Variants in APBB1 observed in about 807,000 individuals in gnomAD.
APBB1 encodes amyloid beta precursor protein binding family B member 1, also known as adaptor protein FE65a2.
In APBB1, 22 loss-of-function variants were observed where a neutral mutation model predicts 78.4. The ratio of observed to expected loss-of-function variants is 0.28; its 90% confidence interval spans 0.20 to 0.40. The LOEUF (loss-of-function observed/expected upper bound fraction) is 0.40, where lower values mean the gene tolerates loss of function less well. APBB1 is among the 10% of genes least tolerant of loss of function. The pLI, the probability that APBB1 is intolerant of heterozygous loss-of-function variation, is 1.00. For synonymous variants in APBB1, 369 were observed against 372.7 expected, an observed-to-expected ratio of 0.99 and a Z score of 0.12; for missense variants, 749 against 932.4, an observed-to-expected ratio of 0.80 and a Z score of 2.56.
rs563498836 is a variant in APBB1, at chr11:6,412,937, C to G, written c.-14-1576G>C. 4.6e-5 allele frequency among the ~76,000 whole-genome samples: 7 copies of G among 152,196 alleles called. No individual in the cohort carries two copies. In the South Asian group the frequency reaches 1.5e-3, roughly 32 times the overall value. ...CCAGACCCCTCCCTCTGCCTCCTCA[C>G]AGCCCTTCGTGGGTCAGTTTCTCCG... On this transcript the variant is annotated intron_variant, in intron 1 of 14. Transcript: ENST00000609360.
In APBB1 at chr11:6,402,118, C is replaced by T; in HGVS notation, c.1346G>A (p.Ser449Asn). 1 of 1,614,148 alleles carries T rather than the reference C, an allele frequency of 6.2e-7. No individual in the cohort carries two copies. Among genetic ancestry groups the T allele is most frequent in the Non-Finnish European group, 8.5e-7 (1 of 1,180,016 alleles). The change falls in exon 8 of 15, where the codon AGC becomes AAC. Residue 449 changes from serine to asparagine, a missense_variant. By Grantham distance (46) the Ser-to-Asn change is conservative. This residue lies in a region of APBB1 where 635 missense variants were observed against 765.0 expected (regional missense o/e 0.83). Coordinates refer to ENST00000609360, the MANE Select transcript of APBB1 (RefSeq NM_001164.5). ...CCGCCCGACGCCCCACACGCGGATG[C>T]TGATGATGGGTTGGGCGTGCAGCAG... ...QALLHAQPII[S>N]IRVWGVGRDS...
At chr11:6,409,410 T>A (rs1020575643) in intron 2 of APBB1, among the ~76,000 whole-genome samples, 4 of 152,184 alleles carry the variant, frequency 2.6e-5, no homozygotes, top group African/African-American at 9.7e-5. Flanking sequence ...TGCTTCAGAA[T>A]AACCTACGCT....
At chr11:6,405,690 A>T (rs749063618) in intron 2 of APBB1, 1 of 985,632 alleles carries the variant, frequency 1.0e-6, no homozygotes, top group Admixed American at 6.1e-5. Flanking sequence ...CCCAAAGAGG[A>T]GGGGCTCTTG....
chr11:6,416,170 G>A (rs993192564), intron 1 of APBB1, among the ~76,000 whole-genome samples: 7 of 151,990 alleles, frequency 4.6e-5, no homozygotes, highest in Non-Finnish European at 7.4e-5. Context: ...GCCTCTATCC[G>A]GGGCCTCCAC....
intron 2 of APBB1, chr11:6,405,050 G>A (rs1021057497): frequency 3.5e-6 from 5 of 1,411,392 alleles, no homozygotes; most frequent in Admixed American, 5.9e-5. Flanking sequence ...TGAGACCCCA[G>A]CCCCTTCTGC....
At chr11:6,400,615 T>C (rs921311105) in intron 12 of APBB1, among the ~76,000 whole-genome samples, 3 of 151,992 alleles carry the variant, frequency 2.0e-5, no homozygotes, top group East Asian at 1.9e-4. Flanking sequence ...CTTCTCCAGA[T>C]GCTCCCAGCC....
Position 6,403,893 on chromosome 11 carries a change from C to A in APBB1, c.722-71G>T. ...GACAGCTGGTGCCTATGCCCGGTCCCCTCTGAGACCCCATGGTTGAGAAGG... is the reference window on the plus strand; with the variant it reads ...GACAGCTGGTGCCTATGCCCGGTCCACTCTGAGACCCCATGGTTGAGAAGG... On this transcript the variant is annotated intron_variant, in intron 2 of 14. Transcript: ENST00000609360. This position sits in a 1 kb window ranked among gnomAD's most constrained non-coding sequence, Gnocchi z 5.3. 1 of 1,471,256 alleles carries A rather than the reference C, an allele frequency of 6.8e-7. No homozygotes were observed. The allele number at this position is 1,471,256 out of a possible 1,614,324, so 91.1% of individuals were successfully genotyped here.
At chr11:6,418,783 G>C (rs1849184285) in intron 1 of APBB1, among the ~76,000 whole-genome samples, 1 of 152,182 alleles carries the variant, frequency 6.6e-6, no homozygotes, top group Non-Finnish European at 1.5e-5. Flanking sequence ...CGGAAGGGAC[G>C]GTGTGAGGGC....
Position 6,401,932 on chromosome 11 carries a change from C to A in APBB1, c.1388+45G>T. The A allele has an allele frequency of 6.4e-7, 1 of 1,552,502 alleles. No individual in the cohort carries two copies. Among genetic ancestry groups the A allele is most frequent in the Non-Finnish European group, 8.7e-7 (1 of 1,152,228 alleles). On this transcript the variant is annotated intron_variant, in intron 9 of 14. Transcript: ENST00000609360. The surrounding 1 kb of genome is among the most constrained non-coding windows in gnomAD (Gnocchi z 4.5). Reference sequence around the variant, plus strand: ...CAGAAGAGGGGAGCTTGGGTGCTTCCAGGCATCTGGTCCAGGTGTAGGAGG... The same window carrying A: ...CAGAAGAGGGGAGCTTGGGTGCTTCAAGGCATCTGGTCCAGGTGTAGGAGG...
intron 1 of APBB1, among the ~76,000 whole-genome samples, chr11:6,412,717 G>C (rs1849002945): frequency 6.6e-6 from 1 of 152,196 alleles, no homozygotes; most frequent in Non-Finnish European, 1.5e-5. Context: ...TCCTGGCACA[G>C]AGCAGGAACT....
chr11:6,396,054 C>CCCTCTA (rs1194360658), intron 13 of APBB1, 46 bp downstream of exon 13: 1 of 1,599,752 alleles, frequency 6.3e-7, no homozygotes, highest in Non-Finnish European at 8.5e-7. Context: ...CCCCAGTCTC[C>CCCTCTA]CCTCTATGGC....
At position 6,418,998 on chromosome 11, in the gene APBB1, C is replaced by T. The variant is rs1849191454; in HGVS notation, c.-28G>A. On this transcript the variant is annotated 5_prime_UTR_variant, in exon 1 of 15. Transcript: ENST00000609360. ...GACACCTCCTACCTGCGCGGTGAGG[C>T]CCCGGGCCCAGATGACGGAGGTGGC... 7.6e-6 allele frequency: 3 copies of T among 392,894 alleles called. No homozygotes were observed. The highest frequency in any genetic ancestry group is 1.3e-4 in the South Asian group (1 of 7,802). 24.3% of individuals were successfully genotyped at this position (392,894 alleles called of 1,614,324 possible).
At chr11:6,416,749 T>A (rs1158095358) in intron 1 of APBB1, among the ~76,000 whole-genome samples, 1 of 151,926 alleles carries the variant, frequency 6.6e-6, no homozygotes, top group Non-Finnish European at 1.5e-5. Flanking sequence ...AATTCCCTTT[T>A]TTTTTTTTTT....
intron 12 of APBB1, among the ~76,000 whole-genome samples, chr11:6,397,134 G>A (rs564829685): frequency 1.1e-4 from 16 of 152,346 alleles, no homozygotes; most frequent in African/African-American, 3.4e-4. Flanking sequence ...ACACTCATAC[G>A]CTGGCTGTGT....
At chr11:6,408,592 T>C (rs1848880935) in intron 2 of APBB1, among the ~76,000 whole-genome samples, 1 of 151,688 alleles carries the variant, frequency 6.6e-6, no homozygotes, top group Non-Finnish European at 1.5e-5. Context: ...ACAACCTCTG[T>C]CTCCCGGGTT....
intron 12 of APBB1, 59 bp downstream of exon 12, chr11:6,400,930 G>T: frequency 6.7e-7 from 1 of 1,491,388 alleles, no homozygotes; most frequent in Non-Finnish European, 9.4e-7. Context: ...AAGGCAGAGG[G>T]TAGGGGCAGA....
chr11:6,396,536 C>T (rs937630625), intron 12 of APBB1: 76 of 326,046 alleles, frequency 2.3e-4, no homozygotes, highest in African/African-American at 1.7e-3. Context: ...TCTCAGCGCT[C>T]ATCACACTCA....
At chr11:6,405,803 C>T (rs1848779082) in intron 2 of APBB1, 1 of 502,490 alleles carries the variant, frequency 2.0e-6, no homozygotes, top group Non-Finnish European at 2.6e-6. Flanking sequence ...TGAAACTTAG[C>T]TGAGGCTCAG....
intron 1 of APBB1, among the ~76,000 whole-genome samples, chr11:6,414,911 G>A (rs1373587710): frequency 6.6e-6 from 1 of 152,308 alleles, no homozygotes; most frequent in South Asian, 2.1e-4. Flanking sequence ...GGCACTAGGA[G>A]ATATGATCTG....
Sources: gnomAD v4.1 joint callset for allele counts (sites outside exome capture counted in the v4.1 genomes callset) on GRCh38, gnomAD v4.1.1 for gene constraint, gnomAD v4.1.1 regional missense constraint, Gnocchi (gnomAD v3.1) non-coding constraint, MANE v1.5 for transcripts, NCBI Gene and HGNC (gene_info 2026-07-23, HGNC 2026-07-21) for gene names.